The following SBK1 variants were observed in gnomAD, a reference collection of about 807,000 sequenced individuals.
SBK1 encodes serine/threonine-protein kinase SBK1.
A neutral mutation model predicts 24.4 loss-of-function variants in SBK1; 11 were observed. The ratio of observed to expected loss-of-function variants is 0.45; its 90% CI spans 0.28 to 0.75. The LOEUF (loss-of-function observed/expected upper bound fraction) is 0.75. SBK1 is among the 30% of genes least tolerant of loss of function. The pLI is 0.12. For missense variants in SBK1, 467 were observed against 620.5 expected, an observed-to-expected ratio of 0.75 and a Z score of 2.63; for synonymous variants, 308 against 284.4, an observed-to-expected ratio of 1.08 and a Z score of -0.83.
chr16:28,293,399 T>C (rs1347683231), intron 1 of SBK1, 99 bp downstream of exon 1: 2 of 558,754 alleles, frequency 3.6e-6, no homozygotes, highest in Non-Finnish European at 4.5e-6. Context: ...CGCTCCCCCT[T>C]CCCCAGCGTC....
chr16:28,310,300 G>A (rs1426895977), intron 1 of SBK1, among the ~76,000 whole-genome samples: 1 of 152,224 alleles, frequency 6.6e-6, no homozygotes, highest in Admixed American at 6.5e-5. Context: ...CCTGGTGCTG[G>A]CAAGTTCACA....
At chr16:28,277,352 G>GAAA (rs981505715) in intron 1 of SBK1, among the ~76,000 whole-genome samples, 3 of 146,656 alleles carry the variant, frequency 2.0e-5, no homozygotes, top group African/African-American at 7.5e-5. Flanking sequence ...GAGAGAGAGA[G>GAAA]AAAAAAAAAA....
chr16:28,316,652 A>G (rs2141590523), intron 1 of SBK1, among the ~76,000 whole-genome samples: 1 of 152,282 alleles, frequency 6.6e-6, no homozygotes, highest in South Asian at 2.1e-4. Flanking sequence ...CTACCATGGC[A>G]CACGTTTACC....
chr16:28,277,067 G>A (rs2044497864), intron 1 of SBK1, among the ~76,000 whole-genome samples: 1 of 152,116 alleles, frequency 6.6e-6, no homozygotes, highest in Non-Finnish European at 1.5e-5. Flanking sequence ...CAGAGCAGGT[G>A]AGGTGTGGGG....
intron 1 of SBK1, among the ~76,000 whole-genome samples, chr16:28,315,068 G>A (rs573385899): frequency 5.9e-5 from 9 of 152,296 alleles, no homozygotes; most frequent in African/African-American, 2.2e-4. Context: ...GGAGGCTGGT[G>A]GCAGCTTCTA....
chr16:28,280,149 A>ATATATATATATATATTTGTG (rs1230385223), intron 1 of SBK1, among the ~76,000 whole-genome samples: 1 of 39,414 alleles, frequency 2.5e-5, no homozygotes, highest in African/African-American at 8.2e-5. Context: ...ATATATATAT[A>ATATATATATATATATTTGTG]TGTGTGTGTG....
At chr16:28,289,433 A>T (rs1404027336), upstream of SBK1, among the ~76,000 whole-genome samples, 1 of 152,214 alleles carries the variant, frequency 6.6e-6, no homozygotes, top group Non-Finnish European at 1.5e-5. Flanking sequence ...GGTGTTCCAG[A>T]CAGAGGAAAC....
At chr16:28,310,258 G>A (rs1332084550) in intron 1 of SBK1, among the ~76,000 whole-genome samples, 5 of 152,228 alleles carry the variant, frequency 3.3e-5, no homozygotes, top group Non-Finnish European at 5.9e-5. Context: ...CTGACAGCCC[G>A]GCGTGAACAG....
intron 1 of SBK1, among the ~76,000 whole-genome samples, chr16:28,301,582 G>A (rs2044679108): frequency 6.6e-6 from 1 of 152,242 alleles, no homozygotes; most frequent in African/African-American, 2.4e-5. Context: ...GGGAAGTGGA[G>A]GAGCGGGGTC....
At chr16:28,298,063 C>T (rs1003819180) in intron 1 of SBK1, among the ~76,000 whole-genome samples, 2 of 152,204 alleles carry the variant, frequency 1.3e-5, no homozygotes, top group Non-Finnish European at 2.9e-5. Flanking sequence ...CTTTCTGCCC[C>T]AGAAGGATGG....
intron 1 of SBK1, among the ~76,000 whole-genome samples, chr16:28,309,229 C>A (rs2044737731): frequency 6.6e-6 from 1 of 152,118 alleles, no homozygotes; most frequent in Non-Finnish European, 1.5e-5. Context: ...TAAACCTTCC[C>A]CGATCCTTTG....
chr16:28,263,072 T>C (rs577757799), intron 1 of SBK1, among the ~76,000 whole-genome samples: 1 of 152,360 alleles, frequency 6.6e-6, no homozygotes, highest in South Asian at 2.1e-4. Flanking sequence ...CCTTTACTTC[T>C]GCCCACATGC....
intron 1 of SBK1, among the ~76,000 whole-genome samples, chr16:28,307,418 C>T (rs193228349): frequency 2.6e-5 from 4 of 152,296 alleles, no homozygotes; most frequent in Admixed American, 1.3e-4. Context: ...CACTATGCTT[C>T]GCTGTCTCTA....
At chr16:28,258,881 CGAG>C (rs1567667176), upstream of SBK1, 1 of 152,872 alleles carries the variant, frequency 6.5e-6, no homozygotes, top group East Asian at 1.9e-4. Context: ...TCACCCCAGC[CGAG>C]GAGAACAAAC....
intron 1 of SBK1, among the ~76,000 whole-genome samples, chr16:28,272,619 C>CAT (rs2044472665): frequency 1.9e-5 from 2 of 105,966 alleles, no homozygotes; most frequent in Non-Finnish European, 3.8e-5. Context: ...TTCTTTCTTT[C>CAT]TTTTTTTTTT....
intron 1 of SBK1, among the ~76,000 whole-genome samples, chr16:28,316,236 C>T (rs1248589232): frequency 2.0e-5 from 3 of 152,120 alleles, no homozygotes; most frequent in Non-Finnish European, 4.4e-5. Flanking sequence ...CCTGAGACCA[C>T]GTGGCCAAGG....
chr16:28,314,162 TTATTATTA>T (rs2044775119), intron 1 of SBK1, among the ~76,000 whole-genome samples: 1 of 151,486 alleles, frequency 6.6e-6, no homozygotes, highest in African/African-American at 2.4e-5. Context: ...ATTATTATTA[TTATTATTA>T]TATTTAGATA....
chr16:28,298,403 C>T (rs757315163), intron 1 of SBK1, among the ~76,000 whole-genome samples: 2 of 152,206 alleles, frequency 1.3e-5, no homozygotes, highest in Admixed American at 6.5e-5. Flanking sequence ...TCAGGATTTG[C>T]ACCCAGCTGT....
At position 28,259,699 on chromosome 16, in the gene SBK1, T is replaced by C. The variant is rs1433355232; in HGVS notation, c.257+197T>C. Among the ~76,000 whole-genome samples, 1 of 152,100 alleles carries C rather than the reference T, an allele frequency of 6.6e-6. No homozygotes were observed. The highest frequency in any genetic ancestry group is 1.5e-5 in the Non-Finnish European group (1 of 68,012). ...AGCCTCCTTCCTATCTCCCCCACCC[T>C]AGCCCCAGAGTGGCTTTCACGTCCT... is the stretch of plus-strand genomic sequence containing the variant. On this transcript the variant is annotated intron_variant, in intron 1 of 3. Transcript: ENST00000671413. This position sits in a 1 kb window ranked among gnomAD's most constrained non-coding sequence, Gnocchi z 6.0.
Sources: allele counts gnomAD v4.1 joint callset (sites outside exome capture counted in the v4.1 genomes callset), GRCh38; gene constraint gnomAD v4.1.1; non-coding constraint Gnocchi (gnomAD v3.1); transcripts MANE v1.5; gene names NCBI Gene and HGNC (gene_info 2026-07-23, HGNC 2026-07-21).